CELF2: variants seen among roughly 807,000 people sequenced by gnomAD.
CELF2 encodes CUGBP Elav-like family member 2, also known as CUG triplet repeat RNA-binding protein 2.
Under a neutral mutation model 62.6 loss-of-function variants are expected in CELF2, and 8 were observed. The observed-to-expected ratio is 0.13, with a 90% CI of 0.07 to 0.23. The LOEUF is 0.23. CELF2 is among the 10% of genes least tolerant of loss of function. The pLI is 1.00. For missense variants in CELF2, 333 were observed against 671.0 expected, an observed-to-expected ratio of 0.50 and a Z score of 5.56; for synonymous variants, 258 against 250.0, an observed-to-expected ratio of 1.03 and a Z score of -0.30.
At chr10:11,204,820 G>C (rs895860167) in intron 2 of CELF2, among the ~76,000 whole-genome samples, 2 of 152,206 alleles carry the variant, frequency 1.3e-5, no homozygotes, top group Non-Finnish European at 2.9e-5. Flanking sequence ...AGGACATCAC[G>C]TCTTCTTGTG....
chr10:10,683,211 A>G, the CELF2 span, among the ~76,000 whole-genome samples: 1 of 152,140 alleles, frequency 6.6e-6, no homozygotes, highest in Admixed American at 6.5e-5. Context: ...CTGATCAGCT[A>G]TTTTCGAAAC....
At chr10:10,935,758 G>C (rs996553010) in intron 2 of CELF2, among the ~76,000 whole-genome samples, 1 of 152,142 alleles carries the variant, frequency 6.6e-6, no homozygotes, top group Admixed American at 6.5e-5. Flanking sequence ...CAGTGGTTCT[G>C]CAAATATTTC....
At chr10:10,468,790 G>C in the CELF2 span, among the ~76,000 whole-genome samples, 1 of 151,858 alleles carries the variant, frequency 6.6e-6, no homozygotes. Context: ...GAGTTTATGT[G>C]GGTAACTATC....
At chr10:10,817,180 C>T (rs2056538375) in intron 1 of CELF2, among the ~76,000 whole-genome samples, 1 of 152,128 alleles carries the variant, frequency 6.6e-6, no homozygotes, top group South Asian at 2.1e-4. Context: ...AGGGCATTAA[C>T]ATGAGGGTTT....
At chr10:10,578,479 G>T in the CELF2 span, among the ~76,000 whole-genome samples, 37 of 152,226 alleles carry the variant, frequency 2.4e-4, 1 homozygote, top group Admixed American at 7.9e-4. Flanking sequence ...TTCTTCTAGG[G>T]TTTTTATGGT....
In CELF2 at chr10:11,326,077, T is replaced by A. The variant is rs568520405; in HGVS notation, c.1438+98T>A. 5.4e-5 allele frequency: 65 copies of A among 1,206,470 alleles called. No homozygotes were observed. The East Asian group carries it at 7.6e-4, about 14-fold the overall frequency. The allele number at this position is 1,206,470 out of a possible 1,614,324, so 74.7% of individuals were successfully genotyped here. On this transcript the variant is annotated intron_variant, in intron 12 of 12. Transcript: ENST00000633077. ...GACAGTTTCAGCCAGGATAGGGCCT[T>A]CCCCACATTGTGTTGGGCTCTGATT... is the stretch of plus-strand genomic sequence containing the variant.
At position 11,297,143 on chromosome 10, in the gene CELF2, A is replaced by G. The variant is rs1164409707; in HGVS notation, c.976+8591A>G. The stretch of plus-strand genomic sequence containing the variant: ...TATGGTGTGTTGGGCCTGGGTGGCC[A>G]GTGGAGCATTGCTCTCAGTTGTGAG... On this transcript the variant is annotated intron_variant, in intron 9 of 12. Coordinates refer to ENST00000633077, the MANE Select transcript of CELF2 (RefSeq NM_001326342.2). This position sits in a 1 kb window ranked among gnomAD's most constrained non-coding sequence, Gnocchi z 4.4. Among the ~76,000 whole-genome samples, 1 of 152,250 alleles carries G rather than the reference A, an allele frequency of 6.6e-6. No homozygotes were observed. The highest frequency in any genetic ancestry group is 1.5e-5 in the Non-Finnish European group (1 of 68,046).
intron 1 of CELF2, among the ~76,000 whole-genome samples, chr10:10,915,515 C>T (rs1430483463): frequency 6.6e-6 from 1 of 152,188 alleles, no homozygotes; most frequent in Non-Finnish European, 1.5e-5. Context: ...AAGTGCTTCT[C>T]CCACCTCAGC....
intron 1 of CELF2, among the ~76,000 whole-genome samples, chr10:10,804,532 T>A (rs1337162340): frequency 6.6e-6 from 1 of 152,250 alleles, no homozygotes; most frequent in Non-Finnish European, 1.5e-5. Flanking sequence ...CCTGGTGATA[T>A]TTCAAAGGTC....
chr10:11,163,812 T>A (rs1183759428), intron 1 of CELF2, among the ~76,000 whole-genome samples: 1 of 152,238 alleles, frequency 6.6e-6, no homozygotes, highest in Non-Finnish European at 1.5e-5. Flanking sequence ...TGAATCTCAT[T>A]CAGGATTTTT....
the CELF2 span, among the ~76,000 whole-genome samples, chr10:10,782,154 G>A: frequency 6.6e-6 from 1 of 152,244 alleles, no homozygotes; most frequent in East Asian, 1.9e-4. Flanking sequence ...TGGATCCCAA[G>A]GGACAACTGT....
the CELF2 span, among the ~76,000 whole-genome samples, chr10:10,660,652 T>A: frequency 6.6e-6 from 1 of 152,218 alleles, no homozygotes; most frequent in African/African-American, 2.4e-5. Flanking sequence ...TTTCTTTATA[T>A]TCCCTAGCCT....
At chr10:11,139,612 G>GT (rs2060979762) in intron 1 of CELF2, among the ~76,000 whole-genome samples, 1 of 152,142 alleles carries the variant, frequency 6.6e-6, no homozygotes, top group Non-Finnish European at 1.5e-5. Flanking sequence ...TACAAGGAAG[G>GT]TATCGCTCAA....
chr10:10,526,519 T>C, the CELF2 span, among the ~76,000 whole-genome samples: 2 of 152,146 alleles, frequency 1.3e-5, no homozygotes, highest in African/African-American at 4.8e-5. Context: ...TGGGTGACCT[T>C]ATACGCATCA....
In CELF2 at chr10:11,157,393, CACA is replaced by C. The variant is rs895102788; in HGVS notation, c.75-8092_75-8090del. ...TTGACTTTGATATCCGCCCTCCCCC[CACA>C]CACACACACACAAAAATTTCACTTA... On this transcript the variant is annotated intron_variant, in intron 1 of 12. Transcript: ENST00000633077. This position sits in a 1 kb window ranked among gnomAD's most constrained non-coding sequence, Gnocchi z 4.9. Among the ~76,000 whole-genome samples, 2 of 123,528 alleles carry C rather than the reference CACA, an allele frequency of 1.6e-5. No individual in the cohort carries two copies. The highest frequency in any genetic ancestry group is 3.3e-5 in the Non-Finnish European group (2 of 60,584). The allele number at this position is 123,528 out of a possible 152,430, so 81.0% of individuals were successfully genotyped here.
chr10:11,311,080 C>G lies in CELF2; in HGVS notation c.977-3059C>G, dbSNP rs1305977329. ...GTGCAGTATCTAATAGGAGACCCTC[C>G]CCATACGAGCCTGAAACCTCAAAAG... is the stretch of plus-strand genomic sequence containing the variant. On this transcript the variant is annotated intron_variant, in intron 9 of 12. Coordinates refer to ENST00000633077, the MANE Select transcript of CELF2 (RefSeq NM_001326342.2). This position sits in a 1 kb window ranked among gnomAD's most constrained non-coding sequence, Gnocchi z 4.7. 2.0e-5 allele frequency among the ~76,000 whole-genome samples: 3 copies of G among 152,066 alleles called. No individual in the cohort carries two copies. Among genetic ancestry groups the G allele is most frequent in the Admixed American group, 6.5e-5 (1 of 15,270 alleles).
Position 10,924,281 on chromosome 10 carries a change from C to CAAAAAAAAAAAA in CELF2, c.89+4300_89+4311dup, listed in dbSNP as rs11415164. Reference sequence around the variant, plus strand: ...TGGGCAACACAGCGAGACTCCGTCCCAAAAAAAAAAAAAAAAAAAAAAAAA... The same window carrying CAAAAAAAAAAAA: ...TGGGCAACACAGCGAGACTCCGTCCCAAAAAAAAAAAAAAAAAAAAAAAAAAAAAAAAAAAAA... On this transcript the variant is annotated intron_variant, in intron 2 of 13. Coordinates refer to the CELF2 transcript ENST00000636488. 4.2e-4 allele frequency among the ~76,000 whole-genome samples: 19 copies of CAAAAAAAAAAAA among 45,100 alleles called. 5 individuals are homozygous for CAAAAAAAAAAAA. The highest frequency in any genetic ancestry group is 7.0e-4 in the East Asian group (1 of 1,422). The allele number at this position is 45,100 out of a possible 152,430, so 29.6% of individuals were successfully genotyped here.
At chr10:10,992,322 G>A (rs1331719722) in intron 2 of CELF2, among the ~76,000 whole-genome samples, 1 of 152,132 alleles carries the variant, frequency 6.6e-6, no homozygotes, top group Admixed American at 6.5e-5. Flanking sequence ...GGACCCAGGT[G>A]GAAGGAACAG....
chr10:11,128,390 T>TAAAA (rs1454730881), intron 1 of CELF2, among the ~76,000 whole-genome samples: 11 of 151,742 alleles, frequency 7.2e-5, no homozygotes, highest in African/African-American at 2.7e-4. Flanking sequence ...ATATGAACTT[T>TAAAA]TAATTTTTTC....
Sources: allele counts gnomAD v4.1 joint callset (sites outside exome capture counted in the v4.1 genomes callset), GRCh38; gene constraint gnomAD v4.1.1; non-coding constraint Gnocchi (gnomAD v3.1); transcripts MANE v1.5; gene names NCBI Gene and HGNC (gene_info 2026-07-23, HGNC 2026-07-21).